Variants in HSF5 observed in about 807,000 individuals in gnomAD.
HSF5 encodes heat shock factor protein 5.
In HSF5, 5 loss-of-function variants were observed where a neutral mutation model predicts 50.8. The ratio of observed to expected loss-of-function variants is 0.10; its 90% CI spans 0.05 to 0.21. HSF5 has a LOEUF of 0.21. HSF5 is among the 10% of genes least tolerant of loss of function. The pLI is 1.00. For synonymous variants in HSF5, 307 were observed against 307.4 expected, an observed-to-expected ratio of 1.00 and a Z score of 0.02; for missense variants, 564 against 762.6, an observed-to-expected ratio of 0.74 and a Z score of 3.07.
chr17:58,465,956 C>A (rs139903517), intron 3 of HSF5, among the ~76,000 whole-genome samples: 1 of 152,088 alleles, frequency 6.6e-6, no homozygotes, highest in Non-Finnish European at 1.5e-5. Context: ...TGGCATGATA[C>A]CACAAGTGGA....
chr17:58,454,607 T>A (rs576268602), intron 5 of HSF5, among the ~76,000 whole-genome samples: 4 of 152,150 alleles, frequency 2.6e-5, no homozygotes, highest in Non-Finnish European at 5.9e-5. Context: ...ACCAAAAAAA[T>A]TGGAACTAAT....
intron 5 of HSF5, among the ~76,000 whole-genome samples, chr17:58,447,662 G>A (rs578195573): frequency 4.6e-5 from 7 of 152,178 alleles, no homozygotes; most frequent in African/African-American, 1.4e-4. Flanking sequence ...GAGCTGCAGC[G>A]TACGTGGGCT....
chr17:58,458,874 G>A lies in HSF5; in HGVS notation c.1614C>T (p.Leu538=), dbSNP rs754194866. Residue 538 remains leucine (L), a synonymous_variant, in exon 5 of 6, where the codon CTC becomes CTT. Transcript: ENST00000323777. The stretch of plus-strand genomic sequence containing the variant: ...TGCTAGCAGGCCCCATTTCTGAAAT[G>A]AGGAATCCCATCTGTTCTGACGGCA... ...NILPSEQMGF[L]ISEMGPASKP... is the part of the protein sequence containing the mutation. 7 of 1,614,002 alleles carry A rather than the reference G, an allele frequency of 4.3e-6. No homozygotes were observed. The highest frequency in any genetic ancestry group is 5.9e-6 in the Non-Finnish European group (7 of 1,180,006).
In HSF5 at chr17:58,434,844, C is replaced by T. The variant is rs373287777; in HGVS notation, c.1721-12414G>A. On this transcript the variant is annotated intron_variant, in intron 5 of 5. Transcript: ENST00000323777. Reference sequence around the variant, plus strand: ...CTCCAGCGTGGATGACAGAGGAAGACTCTGCCTTAGGGGGAAAGCAAAAAT... The same window carrying T: ...CTCCAGCGTGGATGACAGAGGAAGATTCTGCCTTAGGGGGAAAGCAAAAAT... Among the ~76,000 whole-genome samples, 51 of 152,274 alleles carry T rather than the reference C, an allele frequency of 3.3e-4. 1 individual carries two copies. The East Asian group carries it at 9.7e-3, about 29-fold the overall frequency.
intron 5 of HSF5, among the ~76,000 whole-genome samples, chr17:58,423,332 T>C (rs1974250071): frequency 6.6e-6 from 1 of 152,060 alleles, no homozygotes; most frequent in African/African-American, 2.4e-5. Context: ...AATTAGGTAC[T>C]AGGTTCTGTA....
intron 2 of HSF5, among the ~76,000 whole-genome samples, chr17:58,475,168 T>G (rs1304829428): frequency 6.6e-6 from 1 of 152,096 alleles, no homozygotes; most frequent in African/African-American, 2.4e-5. Flanking sequence ...TTTGGGAAAA[T>G]AATCCCTTTC....
chr17:58,440,118 A>G (rs1974480373), intron 5 of HSF5, among the ~76,000 whole-genome samples: 1 of 152,208 alleles, frequency 6.6e-6, no homozygotes, highest in African/African-American at 2.4e-5. Context: ...AGGTAATGAG[A>G]TAGTAAAGAA....
intron 5 of HSF5, among the ~76,000 whole-genome samples, chr17:58,431,434 G>A (rs1021006220): frequency 6.6e-6 from 1 of 151,990 alleles, no homozygotes; most frequent in African/African-American, 2.4e-5. Context: ...ACAATCTTAC[G>A]GGACCACTGT....
intron 5 of HSF5, among the ~76,000 whole-genome samples, chr17:58,454,947 G>C (rs1346245802): frequency 6.6e-6 from 1 of 152,040 alleles, no homozygotes; most frequent in Admixed American, 6.6e-5. Context: ...AAATACCAAT[G>C]ACATTCTTCA....
At position 58,487,768 on chromosome 17, in the gene HSF5, G is replaced by C; in HGVS notation, c.507C>G (p.His169Gln). 2.7e-6 allele frequency: 4 copies of C among 1,467,436 alleles called. No homozygotes were observed. Among genetic ancestry groups the C allele is most frequent in the Non-Finnish European group, 3.6e-6 (4 of 1,119,832 alleles). The allele number at this position is 1,467,436 out of a possible 1,614,324, so 90.9% of individuals were successfully genotyped here. A position where few individuals can be genotyped will look rare whatever the true frequency, so the allele number is the denominator to read the frequency against. The change falls in exon 1 of 6, where the codon CAC becomes CAG. Residue 169 changes from histidine (H) to glutamine (Q), a missense_variant. His to Gln is a conservative substitution (Grantham distance 24). Transcript: ENST00000323777. ...GCCCCGCGGGCGGCGGCGGCTGCTGGTGCTGCAGTGGCGCGGTGGCGGCGG... is the reference window on the plus strand; with the variant it reads ...GCCCCGCGGGCGGCGGCGGCTGCTGCTGCTGCAGTGGCGCGGTGGCGGCGG... ...SASAATAPLQ[H>Q]QQPPPPAGPR... is the part of the protein sequence containing the mutation.
In HSF5 at chr17:58,488,316, C is replaced by T; in HGVS notation, c.-42G>A. ...GGCCTCGCCCCCCGAGCCTAGCTCT[C>T]CCACACCGTTCTCGATCCCTCCCCG... On this transcript the variant is annotated 5_prime_UTR_variant, in exon 1 of 6. Transcript: ENST00000323777. This position sits in a 1 kb window ranked among gnomAD's most constrained non-coding sequence, Gnocchi z 4.1. The T allele has an allele frequency of 7.0e-7, 1 of 1,428,352 alleles. No individual in the cohort carries two copies. Among genetic ancestry groups the T allele is most frequent in the East Asian group, 2.7e-5 (1 of 36,410 alleles). 88.5% of individuals were successfully genotyped at this position (1,428,352 alleles called of 1,614,324 possible).
chr17:58,475,582 A>G (rs1975001848), intron 2 of HSF5, among the ~76,000 whole-genome samples: 1 of 152,202 alleles, frequency 6.6e-6, no homozygotes, highest in Non-Finnish European at 1.5e-5. Context: ...AAGAGAAGCC[A>G]TGTTGTCAAA....
chr17:58,422,688 A>T (rs554854147), intron 5 of HSF5, among the ~76,000 whole-genome samples: 2 of 140,056 alleles, frequency 1.4e-5, no homozygotes, highest in Non-Finnish European at 3.0e-5. Context: ...TTTTCACCTC[A>T]GTTGCCTTTT....
chr17:58,484,351 G>A (rs887319357), intron 1 of HSF5, among the ~76,000 whole-genome samples: 4 of 152,180 alleles, frequency 2.6e-5, no homozygotes, highest in Non-Finnish European at 5.9e-5. Context: ...TGAAGTATAA[G>A]TGAATAAAAT....
Position 58,488,059 on chromosome 17 carries a change from G to A in HSF5, c.216C>T (p.Phe72=), listed in dbSNP as rs1396149623. Residue 72 remains phenylalanine, a synonymous_variant, in exon 1 of 6, where the codon TTC becomes TTT. Coordinates refer to ENST00000323777, the MANE Select transcript of HSF5 (RefSeq NM_001080439.3). The surrounding 1 kb of genome is among the most constrained non-coding windows in gnomAD (Gnocchi z 4.1). ...TGAAGCTGGTGAAGCTGGTGGTTTTGAAGAGCTCGGGCTCGGCCCCGGCCC... is the reference window on the plus strand; with the variant it reads ...TGAAGCTGGTGAAGCTGGTGGTTTTAAAGAGCTCGGGCTCGGCCCCGGCCC... ...TAGAGAEPEL[F]KTTSFTSFIR... 1 of 1,598,540 alleles carries A rather than the reference G, an allele frequency of 6.3e-7. No homozygotes were observed. Among genetic ancestry groups the A allele is most frequent in the East Asian group, 2.3e-5 (1 of 43,878 alleles).
At chr17:58,482,709 C>CAAAAA (rs34783781) in intron 1 of HSF5, among the ~76,000 whole-genome samples, 1 of 13,462 alleles carries the variant, frequency 7.4e-5, no homozygotes, top group Non-Finnish European at 1.3e-4. Context: ...GACTCCATCT[C>CAAAAA]AAAAAAAAAA....
intron 5 of HSF5, among the ~76,000 whole-genome samples, chr17:58,430,005 T>C (rs931857503): frequency 2.6e-5 from 4 of 152,190 alleles, no homozygotes; most frequent in African/African-American, 4.8e-5. Flanking sequence ...GTCAACCTCA[T>C]TGGATTAAGA....
chr17:58,477,537 G>GC (rs1399015566), intron 2 of HSF5, among the ~76,000 whole-genome samples: 1 of 149,574 alleles, frequency 6.7e-6, no homozygotes, highest in African/African-American at 2.5e-5. Flanking sequence ...TCGGCTCACT[G>GC]CAAGTTCCGC....
chr17:58,440,438 T>C (rs1488373253), intron 5 of HSF5, among the ~76,000 whole-genome samples: 1 of 152,156 alleles, frequency 6.6e-6, no homozygotes, highest in East Asian at 1.9e-4. Context: ...GATCCCTAAT[T>C]GCCAGTGACC....
Sources: allele counts gnomAD v4.1 joint callset (sites outside exome capture counted in the v4.1 genomes callset), GRCh38; gene constraint gnomAD v4.1.1; non-coding constraint Gnocchi (gnomAD v3.1); transcripts MANE v1.5; gene names NCBI Gene and HGNC (gene_info 2026-07-23, HGNC 2026-07-21).